Variants in TRAK1 observed in about 807,000 individuals in gnomAD.
TRAK1 encodes the protein trafficking kinesin-binding protein 1.
In TRAK1, 33 loss-of-function variants were observed where a neutral mutation model predicts 92.1. The ratio of observed to expected loss-of-function variants is 0.36; its 90% CI spans 0.27 to 0.48. The LOEUF is 0.48. TRAK1 is among the 20% of genes least tolerant of loss of function. The pLI, the probability that TRAK1 is intolerant of heterozygous loss-of-function variation, is 0.99. For missense variants in TRAK1, 1,123 were observed against 1,257.9 expected (o/e 0.89, Z 1.62); for synonymous variants, 521 against 517.3 (o/e 1.01, Z -0.10).
At chr3:42,039,371 A>G (rs935573220) in intron 1 of TRAK1, among the ~76,000 whole-genome samples, 6 of 152,098 alleles carry the variant, frequency 3.9e-5, no homozygotes, top group Admixed American at 3.3e-4. Context: ...CTTATTATTT[A>G]TTTATTTCTT....
intron 1 of TRAK1, among the ~76,000 whole-genome samples, chr3:42,076,598 T>TA (rs1394561014): frequency 6.6e-6 from 1 of 152,188 alleles, no homozygotes; most frequent in African/African-American, 2.4e-5. Context: ...TGTTTATTGA[T>TA]AGTTTCTTTT....
chr3:42,191,304 C>A (rs1191404823), intron 6 of TRAK1, among the ~76,000 whole-genome samples: 1 of 152,182 alleles, frequency 6.6e-6, no homozygotes, highest in Non-Finnish European at 1.5e-5. Flanking sequence ...CTGTAGAGCA[C>A]CTGTGCCCGT....
chr3:42,194,794 C>T lies in TRAK1; in HGVS notation c.976-10C>T, dbSNP rs1189946122. On this transcript the variant is annotated splice_polypyrimidine_tract_variant and intron_variant, in intron 9 of 15. Coordinates refer to ENST00000327628, the MANE Select transcript of TRAK1 (RefSeq NM_001042646.3). ...GAGATCCTGACCCTCTGTGTCTTTC[C>T]TGCCTGCAGCTGCGTGAGCTGGAGG... 8 of 1,612,918 alleles carry T rather than the reference C, an allele frequency of 5.0e-6. No individual in the cohort carries two copies. The highest frequency in any genetic ancestry group is 6.8e-6 in the Non-Finnish European group (8 of 1,179,520).
chr3:42,212,215 C>G (rs1477350149), intron 14 of TRAK1: 11 of 985,336 alleles, frequency 1.1e-5, no homozygotes, highest in Non-Finnish European at 1.3e-5. Flanking sequence ...ATGGGGCATC[C>G]TCTGTCTTGG....
intron 2 of TRAK1, among the ~76,000 whole-genome samples, chr3:42,129,130 G>A (rs1710974451): frequency 6.6e-6 from 1 of 152,250 alleles, no homozygotes; most frequent in African/African-American, 2.4e-5. Flanking sequence ...TCACCAGAAG[G>A]CACAGGTTCA....
chr3:42,063,267 CGGGA>C lies in TRAK1; in HGVS notation c.-518-23836_-518-23833del, dbSNP rs1703525520. 5.3e-5 allele frequency among the ~76,000 whole-genome samples: 8 copies of C among 152,374 alleles called. No individual in the cohort carries two copies. In the South Asian group the frequency reaches 1.7e-3, roughly 32 times the overall value. ...GAAATAGTTATTATTTTCCGCTTCGCGGGAAAAGTTTGCCAAGCCCTGCCCTAAG... is the reference window on the plus strand; with the variant it reads ...GAAATAGTTATTATTTTCCGCTTCGCAAAGTTTGCCAAGCCCTGCCCTAAG... On this transcript the variant is annotated intron_variant, in intron 1 of 16. Coordinates refer to the TRAK1 transcript ENST00000487159.
Position 42,134,428 on chromosome 3 carries a change from C to A in TRAK1, c.286+8814C>A, listed in dbSNP as rs150388599. ...GAGTAGCTGGGACTGCAGGTGCATG[C>A]CACCATGCCCAGCTAGTTTTAAAAT... On this transcript the variant is annotated intron_variant, in intron 2 of 15. Transcript: ENST00000327628. Among the ~76,000 whole-genome samples the A allele has an allele frequency of 3.3e-3, 505 of 151,648 alleles. 1 individual carries two copies. Among genetic ancestry groups the A allele is most frequent in the Non-Finnish European group, 5.5e-3 (375 of 67,922 alleles).
chr3:42,177,930 C>T (rs555708866), intron 3 of TRAK1, among the ~76,000 whole-genome samples: 35 of 152,256 alleles, frequency 2.3e-4, no homozygotes, highest in Non-Finnish European at 3.4e-4. Context: ...GTGTCAAGGG[C>T]GGTATTTTGG....
At position 42,166,746 on chromosome 3, in the gene TRAK1, C is replaced by A. The variant is rs539822924; in HGVS notation, c.287-10068C>A. On this transcript the variant is annotated intron_variant, in intron 2 of 15. Transcript: ENST00000327628. ...AAAGTGAGCCAGTAGAATAGTCACA[C>A]TACAACTTCATTAATAGTGATACTG... 5.3e-5 allele frequency among the ~76,000 whole-genome samples: 8 copies of A among 152,340 alleles called. No individual in the cohort carries two copies. The East Asian group carries it at 9.6e-4, about 18-fold the overall frequency.
intron 3 of TRAK1, among the ~76,000 whole-genome samples, chr3:42,184,323 A>G (rs1676620586): frequency 6.6e-6 from 1 of 152,270 alleles, no homozygotes; most frequent in Admixed American, 6.5e-5. Flanking sequence ...GGGCCCTGGC[A>G]ATACAATAGC....
chr3:42,035,132 A>G (rs1377999182), intron 1 of TRAK1, among the ~76,000 whole-genome samples: 1 of 152,090 alleles, frequency 6.6e-6, no homozygotes, highest in Non-Finnish European at 1.5e-5. Flanking sequence ...TCCATAAACC[A>G]CCTTCTAGTC....
At chr3:42,016,932 C>G (rs1701549240) in intron 1 of TRAK1, among the ~76,000 whole-genome samples, 1 of 152,160 alleles carries the variant, frequency 6.6e-6, no homozygotes, top group African/African-American at 2.4e-5. Flanking sequence ...CCAGCCTCTT[C>G]ACATATATGA....
At chr3:42,037,785 A>C (rs753845695) in intron 1 of TRAK1, among the ~76,000 whole-genome samples, 4 of 152,220 alleles carry the variant, frequency 2.6e-5, no homozygotes, top group African/African-American at 4.8e-5. Flanking sequence ...CTCTAAGAGC[A>C]GGTTTAGTCA....
intron 1 of TRAK1, among the ~76,000 whole-genome samples, chr3:42,066,118 G>A (rs556392412): frequency 1.3e-5 from 2 of 152,266 alleles, no homozygotes; most frequent in South Asian, 4.1e-4. Flanking sequence ...TTGAGGCCAG[G>A]AGTTCAAGAC....
At chr3:42,056,320 G>A (rs917461014) in intron 1 of TRAK1, among the ~76,000 whole-genome samples, 2 of 152,176 alleles carry the variant, frequency 1.3e-5, no homozygotes, top group Non-Finnish European at 2.9e-5. Flanking sequence ...GAGGGTTCTG[G>A]TTTGTCCATG....
chr3:42,182,301 T>C (rs1336064050), intron 3 of TRAK1, among the ~76,000 whole-genome samples: 1 of 5,422 alleles, frequency 1.8e-4, no homozygotes, highest in Admixed American at 2.8e-3. Context: ...AACTCTCTCT[T>C]TTTTTTTTTT....
chr3:42,030,160 G>C (rs1381278631), intron 1 of TRAK1, among the ~76,000 whole-genome samples: 1 of 152,140 alleles, frequency 6.6e-6, no homozygotes, highest in Non-Finnish European at 1.5e-5. Context: ...TTGGCTGGGT[G>C]TGGTGGTTCA....
chr3:42,129,501 A>C (rs1162157199), intron 2 of TRAK1, among the ~76,000 whole-genome samples: 1 of 152,182 alleles, frequency 6.6e-6, no homozygotes, highest in Non-Finnish European at 1.5e-5. Flanking sequence ...AGAGGCGAGA[A>C]AGCTTTGGGC....
chr3:42,148,019 T>A (rs1699533011), intron 2 of TRAK1, among the ~76,000 whole-genome samples: 1 of 125,760 alleles, frequency 8.0e-6, no homozygotes, highest in South Asian at 2.5e-4. Flanking sequence ...TACACATACA[T>A]AGAAACACAC....
Sources: allele counts gnomAD v4.1 joint callset (sites outside exome capture counted in the v4.1 genomes callset), GRCh38; gene constraint gnomAD v4.1.1; transcripts MANE v1.5; gene names NCBI Gene and HGNC (gene_info 2026-07-23, HGNC 2026-07-21).